Variants in UGGT2 observed in about 807,000 individuals in gnomAD.
UGGT2 encodes the protein UDP-glucose:glycoprotein glucosyltransferase 2.
Under a neutral mutation model 192.1 loss-of-function variants are expected in UGGT2, and 180 were observed. The ratio of observed to expected loss-of-function variants is 0.94; its 90% confidence interval spans 0.83 to 1.06. UGGT2 has a LOEUF of 1.06. Among genes scored for constraint, UGGT2 ranks in the 50% least tolerant of loss-of-function variants. The probability of loss-of-function intolerance (pLI) is 0.00; values close to 1 mark genes in which losing one functional copy is unlikely to be tolerated. For synonymous variants in UGGT2, 580 were observed against 591.0 expected, an observed-to-expected ratio of 0.98 and a Z score of 0.27; for missense variants, 1,849 against 1,795.7, an observed-to-expected ratio of 1.03 and a Z score of -0.54.
chr13:95,811,887 A>G (rs1272531381), intron 38 of UGGT2, among the ~76,000 whole-genome samples: 1 of 152,072 alleles, frequency 6.6e-6, no homozygotes, highest in Admixed American at 6.6e-5. Flanking sequence ...ATAAAATAAT[A>G]CTGGAGATAA....
Position 95,863,262 on chromosome 13 carries a change from T to C in UGGT2, c.3644+367A>G, listed in dbSNP as rs143435499. Among the ~76,000 whole-genome samples, 5 of 152,306 alleles carry C rather than the reference T, an allele frequency of 3.3e-5. No homozygotes were observed. In the East Asian group the frequency reaches 9.6e-4, roughly 29 times the overall value. Reference sequence around the variant, plus strand: ...TTGCAGCTAGCTAGGCTACTTTCTTTTCTTTGAGGAACATACCCAATCATT... The same window carrying C: ...TTGCAGCTAGCTAGGCTACTTTCTTCTCTTTGAGGAACATACCCAATCATT... On this transcript the variant is annotated intron_variant, in intron 31 of 38. Coordinates refer to ENST00000376747, the MANE Select transcript of UGGT2 (RefSeq NM_020121.4).
chr13:95,842,991 T>C (rs920426362), intron 36 of UGGT2, among the ~76,000 whole-genome samples: 2 of 152,212 alleles, frequency 1.3e-5, no homozygotes, highest in Non-Finnish European at 2.9e-5. Context: ...CTGCTATGTT[T>C]TGGATAAGCT....
At chr13:95,878,035 T>C (rs565741938) in intron 27 of UGGT2, among the ~76,000 whole-genome samples, 179 bp from the exon 28 acceptor site, 11 of 152,206 alleles carry the variant, frequency 7.2e-5, no homozygotes, top group Admixed American at 5.9e-4. Context: ...GACAAAAAGC[T>C]TATGATAAAC....
chr13:95,943,236 A>C (rs1190780236), intron 15 of UGGT2, among the ~76,000 whole-genome samples: 1 of 152,084 alleles, frequency 6.6e-6, no homozygotes, highest in African/African-American at 2.4e-5. Flanking sequence ...AAAAATCCCC[A>C]AAATTCCACT....
chr13:95,867,546 T>C (rs538256461), intron 29 of UGGT2, 123 bp from the exon 30 acceptor site: 2 of 663,636 alleles, frequency 3.0e-6, no homozygotes, highest in South Asian at 4.4e-5. Context: ...TATATCATGT[T>C]TTTCTGTTTC....
At chr13:95,970,708 T>G (rs559194879) in intron 11 of UGGT2, among the ~76,000 whole-genome samples, 33 of 152,276 alleles carry the variant, frequency 2.2e-4, no homozygotes, top group African/African-American at 7.7e-4. Context: ...CAAATTTAAA[T>G]TTTTTATTAC....
chr13:95,804,268 G>A (rs1490424597), intron 38 of UGGT2, among the ~76,000 whole-genome samples: 2 of 152,056 alleles, frequency 1.3e-5, no homozygotes, highest in Non-Finnish European at 2.9e-5. Flanking sequence ...TGATACATGT[G>A]TATACTGAAA....
chr13:95,801,893 A>G (rs1566527557), intron 38 of UGGT2, 81 bp from the exon 39 acceptor site: 1 of 1,533,360 alleles, frequency 6.5e-7, no homozygotes, highest in African/African-American at 1.4e-5. Context: ...ATGATGAGGA[A>G]GCACCGGTAC....
At chr13:95,908,124 C>G (rs139282490) in intron 20 of UGGT2, among the ~76,000 whole-genome samples, 2,526 of 152,216 alleles carry the variant, frequency 0.017, 71 homozygotes, top group African/African-American at 0.058. Context: ...ATAGCAGATT[C>G]AATCAAGTGG....
Position 95,856,347 on chromosome 13 carries a change from AC to A in UGGT2, c.3826-8del. 1 of 1,595,986 alleles carries A rather than the reference AC, an allele frequency of 6.3e-7. No individual in the cohort carries two copies. The stretch of plus-strand genomic sequence containing the variant: ...CCATGTGAGGAATTACTTCCTAAAA[AC>A]ACACACACAAAATCAAACAATATGT... On this transcript the variant is annotated splice_polypyrimidine_tract_variant and splice_region_variant and intron_variant, in intron 33 of 38. Coordinates refer to ENST00000376747, the MANE Select transcript of UGGT2 (RefSeq NM_020121.4).
At position 95,933,906 on chromosome 13, in the gene UGGT2, G is replaced by C. The variant is rs184711844; in HGVS notation, c.1977+3018C>G. ...TCACTGTGTTAGCCAGGATGGTCTC[G>C]ATCTCCTGACCTCGTGATCTGCCCA... On this transcript the variant is annotated intron_variant, in intron 17 of 38. Transcript: ENST00000376747. Among the ~76,000 whole-genome samples, 8 of 152,098 alleles carry C rather than the reference G, an allele frequency of 5.3e-5. 1 individual carries two copies. The highest frequency in any genetic ancestry group is 1.9e-4 in the African/African-American group (8 of 41,516).
At chr13:95,851,063 AGTTTCCCCAATTCC>A (rs1888986449) in intron 36 of UGGT2, among the ~76,000 whole-genome samples, 1 of 152,194 alleles carries the variant, frequency 6.6e-6, no homozygotes, top group South Asian at 2.1e-4. Flanking sequence ...GAATTTGTAA[AGTTTCCCCAATTCC>A]ATTTCCTTCC....
intron 12 of UGGT2, among the ~76,000 whole-genome samples, chr13:95,954,687 C>T (rs866439346): frequency 6.6e-6 from 1 of 152,286 alleles, no homozygotes; most frequent in South Asian, 2.1e-4. Flanking sequence ...TCCTGCCTTT[C>T]CAGATGTACC....
chr13:95,879,753 G>C (rs2047439928), intron 27 of UGGT2, among the ~76,000 whole-genome samples: 1 of 151,998 alleles, frequency 6.6e-6, no homozygotes, highest in African/African-American at 2.4e-5. Context: ...CTCATTTTTA[G>C]CAAAAATATG....
intron 33 of UGGT2, chr13:95,856,637 C>A (rs1215813178): frequency 2.3e-6 from 1 of 431,580 alleles, no homozygotes; most frequent in East Asian, 6.8e-5. Flanking sequence ...TTATTGTTAA[C>A]ATCTGACTTG....
intron 17 of UGGT2, among the ~76,000 whole-genome samples, chr13:95,928,097 CTT>C (rs918194245): frequency 3.8e-4 from 58 of 152,344 alleles, no homozygotes; most frequent in African/African-American, 1.2e-3. Context: ...TCTGATCTCT[CTT>C]TCTTTTCCCC....
intron 1 of UGGT2, among the ~76,000 whole-genome samples, chr13:96,047,990 T>C (rs554692989): frequency 2.6e-5 from 4 of 152,152 alleles, no homozygotes; most frequent in Non-Finnish European, 5.9e-5. Context: ...GCAGACCTAA[T>C]AGACATCTAC....
chr13:96,031,740 T>C, intron 2 of UGGT2, 149 bp downstream of exon 2: 1 of 549,462 alleles, frequency 1.8e-6, no homozygotes. Flanking sequence ...TAGAATGGTT[T>C]CTATTAAAAC....
chr13:96,003,808 C>T (rs1368927654), intron 5 of UGGT2, among the ~76,000 whole-genome samples: 3 of 152,018 alleles, frequency 2.0e-5, no homozygotes, highest in Non-Finnish European at 4.4e-5. Flanking sequence ...AAAAAGTGCC[C>T]CGACTGTCAA....
Sources: allele counts gnomAD v4.1 joint callset (sites outside exome capture counted in the v4.1 genomes callset), GRCh38; gene constraint gnomAD v4.1.1; transcripts MANE v1.5; gene names NCBI Gene and HGNC (gene_info 2026-07-23, HGNC 2026-07-21).